Variants in APP observed in about 807,000 individuals in gnomAD.
The protein encoded by APP is amyloid-beta precursor protein.
A neutral mutation model predicts 101.4 loss-of-function variants in APP; 31 were observed. That is an observed-to-expected ratio of 0.31 (90% CI 0.23 to 0.41). The LOEUF is 0.41. Among genes scored for constraint, APP ranks in the 10% least tolerant of loss-of-function variants. The probability of loss-of-function intolerance (pLI) is 1.00; values close to 1 mark genes in which losing one functional copy is unlikely to be tolerated. For missense variants in APP, 839 were observed against 1,003.7 expected (o/e 0.84, Z 2.22); for synonymous variants, 366 against 364.4 (o/e 1.00, Z -0.05).
At chr21:25,882,022 T>G (rs766729367) in intron 17 of APP, among the ~76,000 whole-genome samples, 6 of 152,082 alleles carry the variant, frequency 3.9e-5, no homozygotes, top group African/African-American at 9.7e-5. Context: ...GTCCAGTGGT[T>G]GTTTCTGGTT....
intron 11 of APP, among the ~76,000 whole-genome samples, chr21:25,957,163 C>A (rs1444392715): frequency 2.6e-5 from 4 of 152,110 alleles, no homozygotes; most frequent in South Asian, 4.1e-4. Context: ...TCTCTATAAT[C>A]CCCAGAAAGA....
chr21:25,935,729 A>G (rs1213439366), intron 13 of APP, among the ~76,000 whole-genome samples: 1 of 150,798 alleles, frequency 6.6e-6, no homozygotes, highest in Non-Finnish European at 1.5e-5. Flanking sequence ...AATCCCAGCT[A>G]CTCAGGAGGC....
At chr21:26,069,597 TCTC>T (rs1435903496) in intron 3 of APP, among the ~76,000 whole-genome samples, 2 of 152,142 alleles carry the variant, frequency 1.3e-5, no homozygotes, top group Non-Finnish European at 1.5e-5. Flanking sequence ...AGCCTATTTC[TCTC>T]CTAAGTGTGA....
At chr21:25,908,677 A>T (rs1172024696) in intron 14 of APP, among the ~76,000 whole-genome samples, 1 of 118,906 alleles carries the variant, frequency 8.4e-6, no homozygotes, top group Non-Finnish European at 1.7e-5. Flanking sequence ...CTCTCTAATA[A>T]GATCCTGGCT....
intron 1 of APP, among the ~76,000 whole-genome samples, chr21:26,117,517 G>C (rs1199457055): frequency 6.6e-6 from 1 of 152,206 alleles, no homozygotes; most frequent in Non-Finnish European, 1.5e-5. Context: ...TGGACCATAA[G>C]AGGGAGGAAA....
intron 11 of APP, 23 bp downstream of exon 11, chr21:25,975,047 A>G (rs1238337323): frequency 6.2e-7 from 1 of 1,613,810 alleles, no homozygotes; most frequent in African/African-American, 1.3e-5. Flanking sequence ...CTGAAGTGTG[A>G]ACTCGGCTGC....
At chr21:26,007,189 T>C (rs1226869168) in intron 6 of APP, among the ~76,000 whole-genome samples, 1 of 151,708 alleles carries the variant, frequency 6.6e-6, no homozygotes, top group East Asian at 1.9e-4. Flanking sequence ...GAACTCTTTT[T>C]CTCCAATTTT....
chr21:26,042,950 C>G (rs984403855), intron 5 of APP, among the ~76,000 whole-genome samples: 1 of 151,982 alleles, frequency 6.6e-6, no homozygotes. Flanking sequence ...GTATCTGGAA[C>G]ATATCAAATG....
intron 1 of APP, among the ~76,000 whole-genome samples, chr21:26,120,250 T>C (rs1382454579): frequency 6.6e-6 from 1 of 152,202 alleles, no homozygotes; most frequent in African/African-American, 2.4e-5. Flanking sequence ...CATAGATTGT[T>C]TCAGAAGGTA....
intron 17 of APP, among the ~76,000 whole-genome samples, chr21:25,885,200 GC>G (rs1392226912): frequency 6.6e-6 from 1 of 152,198 alleles, no homozygotes; most frequent in Non-Finnish European, 1.5e-5. Context: ...AAAGCTAGAT[GC>G]GAAAATCTGA....
At chr21:26,037,889 G>T (rs772991759) in intron 5 of APP, among the ~76,000 whole-genome samples, 9 of 152,094 alleles carry the variant, frequency 5.9e-5, no homozygotes, top group Admixed American at 2.0e-4. Flanking sequence ...GGAGATAAAA[G>T]ATCAAACCTT....
intron 11 of APP, among the ~76,000 whole-genome samples, chr21:25,965,635 C>A (rs2041767520): frequency 6.6e-6 from 1 of 152,110 alleles, no homozygotes; most frequent in African/African-American, 2.4e-5. Context: ...TATCCATGGT[C>A]AACCTTCACA....
chr21:26,059,958 A>G (rs539378101), intron 3 of APP, among the ~76,000 whole-genome samples: 5 of 149,936 alleles, frequency 3.3e-5, no homozygotes, highest in African/African-American at 7.3e-5. Flanking sequence ...GTAACAGTCC[A>G]GGTCACATAG....
At chr21:26,098,648 T>C (rs939561328) in intron 2 of APP, among the ~76,000 whole-genome samples, 2 of 152,216 alleles carry the variant, frequency 1.3e-5, no homozygotes, top group African/African-American at 4.8e-5. Context: ...AACAAAAGGC[T>C]GAAAACAAAG....
At chr21:26,139,280 G>C (rs1179903825) in intron 1 of APP, among the ~76,000 whole-genome samples, 3 of 152,150 alleles carry the variant, frequency 2.0e-5, no homozygotes, top group Admixed American at 6.5e-5. Context: ...GTACATTATC[G>C]TGTGCATACC....
At chr21:26,046,655 A>C (rs1005680404) in intron 5 of APP, among the ~76,000 whole-genome samples, 5 of 152,222 alleles carry the variant, frequency 3.3e-5, no homozygotes, top group Non-Finnish European at 5.9e-5. Context: ...TCGATAATTA[A>C]AGATTGTTTC....
chr21:26,103,268 A>G (rs1239351175), intron 2 of APP, among the ~76,000 whole-genome samples: 1 of 152,220 alleles, frequency 6.6e-6, no homozygotes, highest in East Asian at 1.9e-4. Context: ...AATCTGGACT[A>G]CACGCCAACA....
chr21:25,909,570 G>GT (rs34670795), intron 14 of APP, among the ~76,000 whole-genome samples: 152,363 of 152,366 alleles, frequency 1, 76,180 homozygotes, highest in Middle Eastern at 1. Context: ...ATTACCAAGG[G>GT]TTCACAGTGT....
At position 25,949,553 on chromosome 21, in the gene APP, G is replaced by A. The variant is rs368469845; in HGVS notation, c.1687+5037C>T. 3.9e-5 allele frequency among the ~76,000 whole-genome samples: 6 copies of A among 152,288 alleles called. No individual in the cohort carries two copies. In the East Asian group the frequency reaches 1.2e-3, roughly 29 times the overall value. On this transcript the variant is annotated intron_variant, in intron 13 of 17. Coordinates refer to ENST00000346798, the MANE Select transcript of APP (RefSeq NM_000484.4). ...GGTTACGGAGGAGCCCACTTCATCAGTCCAAGTTAAGGAGCATCTGCCTTT... is the reference window on the plus strand; with the variant it reads ...GGTTACGGAGGAGCCCACTTCATCAATCCAAGTTAAGGAGCATCTGCCTTT...
Sources: allele counts gnomAD v4.1 joint callset (sites outside exome capture counted in the v4.1 genomes callset), GRCh38; gene constraint gnomAD v4.1.1; transcripts MANE v1.5; gene names NCBI Gene and HGNC (gene_info 2026-07-23, HGNC 2026-07-21).